CFAP20DC: variants seen among roughly 807,000 people sequenced by gnomAD.
CFAP20DC encodes protein CFAP20DC.
A neutral mutation model predicts 101.7 loss-of-function variants in CFAP20DC; 84 were observed. That is an observed-to-expected ratio of 0.83 (90% CI 0.69 to 0.99). CFAP20DC has a LOEUF of 0.99. Among genes scored for constraint, CFAP20DC ranks in the 50% least tolerant of loss-of-function variants. CFAP20DC has a pLI of 0.00. For missense variants in CFAP20DC, 1,007 were observed against 970.3 expected (o/e 1.04, Z -0.50); for synonymous variants, 359 against 351.2 (o/e 1.02, Z -0.25).
At chr3:58,998,976 C>T (rs1306529564) in intron 4 of CFAP20DC, among the ~76,000 whole-genome samples, 1 of 152,198 alleles carries the variant, frequency 6.6e-6, no homozygotes, top group East Asian at 1.9e-4. Flanking sequence ...CAGTTAAACT[C>T]CAAACTCCTG....
chr3:58,945,514 A>G (rs1370291933), intron 4 of CFAP20DC, among the ~76,000 whole-genome samples: 2 of 152,092 alleles, frequency 1.3e-5, no homozygotes, highest in African/African-American at 4.8e-5. Context: ...TTGGAGGCTA[A>G]TCTTATTTTC....
At chr3:58,736,635 A>T (rs1186524805) in intron 3 of CFAP20DC, among the ~76,000 whole-genome samples, 2 of 152,222 alleles carry the variant, frequency 1.3e-5, no homozygotes, top group Non-Finnish European at 2.9e-5. Flanking sequence ...TATCCGCTAC[A>T]GCACATTAGA....
chr3:59,006,725 C>G lies in CFAP20DC; in HGVS notation c.278+32832G>C, dbSNP rs1044774496. On this transcript the variant is annotated intron_variant, in intron 4 of 16. Coordinates refer to ENST00000482387, the MANE Select transcript of CFAP20DC (RefSeq NM_001394063.1). This position sits in a 1 kb window ranked among gnomAD's most constrained non-coding sequence, Gnocchi z 4.3. Reference sequence around the variant, plus strand: ...ATCTCATAGAGGCCCTAGGGGAAGACAGCCAGCAGAATTAGGGAGGGGTCA... The same window carrying G: ...ATCTCATAGAGGCCCTAGGGGAAGAGAGCCAGCAGAATTAGGGAGGGGTCA... Among the ~76,000 whole-genome samples, 3 of 152,170 alleles carry G rather than the reference C, an allele frequency of 2.0e-5. No individual in the cohort carries two copies. The highest frequency in any genetic ancestry group is 2.9e-5 in the Non-Finnish European group (2 of 68,024).
At chr3:58,809,765 C>G (rs1029159278) in intron 14 of CFAP20DC, among the ~76,000 whole-genome samples, 1 of 152,040 alleles carries the variant, frequency 6.6e-6, no homozygotes, top group Non-Finnish European at 1.5e-5. Context: ...AATCCAGGAG[C>G]TGGTTTTTTG....
At chr3:58,773,136 A>ATGCT (rs1452697695) in intron 15 of CFAP20DC, among the ~76,000 whole-genome samples, 2 of 152,006 alleles carry the variant, frequency 1.3e-5, no homozygotes, top group African/African-American at 4.8e-5. Context: ...TAGGTGACAA[A>ATGCT]TGCTTATGAA....
At chr3:58,770,954 ATGTT>A (rs1474086681) in intron 15 of CFAP20DC, among the ~76,000 whole-genome samples, 1 of 152,198 alleles carries the variant, frequency 6.6e-6, no homozygotes, top group African/African-American at 2.4e-5. Flanking sequence ...ATGCCCACGT[ATGTT>A]TATCGCGGCA....
At chr3:58,756,518 C>CT (rs1450262049) in intron 15 of CFAP20DC, among the ~76,000 whole-genome samples, 2 of 151,986 alleles carry the variant, frequency 1.3e-5, no homozygotes, top group African/African-American at 4.8e-5. Flanking sequence ...ACATTTTAGG[C>CT]TTTTTTCTCC....
At chr3:58,777,109 A>G (rs1426070208) in intron 15 of CFAP20DC, among the ~76,000 whole-genome samples, 1 of 152,022 alleles carries the variant, frequency 6.6e-6, no homozygotes, top group East Asian at 1.9e-4. Flanking sequence ...CCTTGTGGAT[A>G]AAGAACAGAC....
intron 4 of CFAP20DC, among the ~76,000 whole-genome samples, chr3:59,027,557 A>C (rs566087992): frequency 6.6e-6 from 1 of 152,346 alleles, no homozygotes; most frequent in Admixed American, 6.5e-5. Flanking sequence ...AATGTCTATC[A>C]AAATTCATTG....
chr3:58,958,095 A>G (rs1360138267), intron 4 of CFAP20DC, among the ~76,000 whole-genome samples: 2 of 152,152 alleles, frequency 1.3e-5, no homozygotes, highest in Non-Finnish European at 2.9e-5. Flanking sequence ...GTATCAAAAC[A>G]TCTCAGGTAC....
intron 4 of CFAP20DC, among the ~76,000 whole-genome samples, chr3:58,969,721 C>T (rs1326433648): frequency 6.6e-6 from 1 of 152,134 alleles, no homozygotes; most frequent in Non-Finnish European, 1.5e-5. Flanking sequence ...TTATCTATTC[C>T]ACTCTACAAT....
At chr3:58,801,495 G>A (rs2073698765) in intron 15 of CFAP20DC, among the ~76,000 whole-genome samples, 1 of 152,172 alleles carries the variant, frequency 6.6e-6, no homozygotes, top group African/African-American at 2.4e-5. Context: ...TTAATCATTT[G>A]AAGAGGAACA....
At chr3:58,794,301 T>G in intron 15 of CFAP20DC, 2 of 453,894 alleles carry the variant, frequency 4.4e-6, no homozygotes, top group South Asian at 3.1e-5. Context: ...GCATCTGATT[T>G]GTCTTAATGG....
intron 4 of CFAP20DC, among the ~76,000 whole-genome samples, chr3:59,024,479 G>A (rs1416023953): frequency 1.3e-5 from 2 of 152,128 alleles, no homozygotes; most frequent in African/African-American, 4.8e-5. Flanking sequence ...AGACCATTAT[G>A]TAATAAATGC....
At position 58,876,238 on chromosome 3, in the gene CFAP20DC, TATTA is replaced by T. The variant is rs2080744035; in HGVS notation, c.716-5933_716-5930del. The stretch of plus-strand genomic sequence containing the variant: ...ACTTTAAAAAATCTGTGTATAATCA[TATTA>T]ATTGTCACAATTATCTCTATAAACA... On this transcript the variant is annotated intron_variant, in intron 7 of 16. Transcript: ENST00000482387. Among the ~76,000 whole-genome samples the T allele has an allele frequency of 2.6e-5, 4 of 152,248 alleles. No individual in the cohort carries two copies. The South Asian group carries it at 6.2e-4, about 24-fold the overall frequency.
At chr3:58,909,183 T>C (rs545727595) in intron 6 of CFAP20DC, among the ~76,000 whole-genome samples, 11 of 152,256 alleles carry the variant, frequency 7.2e-5, no homozygotes, top group African/African-American at 2.2e-4. Context: ...CAGTGTAAGT[T>C]CATCGATTGT....
chr3:59,030,892 C>T (rs562800326), intron 4 of CFAP20DC, among the ~76,000 whole-genome samples: 4 of 152,208 alleles, frequency 2.6e-5, no homozygotes, highest in African/African-American at 7.2e-5. Flanking sequence ...GGAGCAATCT[C>T]GGCTCACTGC....
Position 58,742,420 on chromosome 3 carries a change from T to C in CFAP20DC, c.*40A>G. On this transcript the variant is annotated 3_prime_UTR_variant, in exon 17 of 17. Transcript: ENST00000482387. ...AAGCGACCCTGAACTGCTATTCTGC[T>C]CCAGCTGGGAGTGCCTGCTCTCTGC... is the stretch of plus-strand genomic sequence containing the variant. 1 of 1,557,248 alleles carries C rather than the reference T, an allele frequency of 6.4e-7. No individual in the cohort carries two copies. Among genetic ancestry groups the C allele is most frequent in the Non-Finnish European group, 8.7e-7 (1 of 1,151,382 alleles).
intron 4 of CFAP20DC, among the ~76,000 whole-genome samples, chr3:58,981,479 A>C (rs917631931): frequency 6.6e-6 from 1 of 152,214 alleles, no homozygotes; most frequent in Non-Finnish European, 1.5e-5. Context: ...ACAGTAACCA[A>C]AACAGCATGG....
Sources: gnomAD v4.1 joint callset for allele counts (sites outside exome capture counted in the v4.1 genomes callset) on GRCh38, gnomAD v4.1.1 for gene constraint, Gnocchi (gnomAD v3.1) non-coding constraint, MANE v1.5 for transcripts, NCBI Gene and HGNC (gene_info 2026-07-23, HGNC 2026-07-21) for gene names.